The following NEGR1 variants were observed in gnomAD, a reference collection of about 807,000 sequenced individuals.
NEGR1 encodes the protein neuronal growth regulator 1, also known as IgLON family member 4.
Under a neutral mutation model 40.9 loss-of-function variants are expected in NEGR1, and 10 were observed. The ratio of observed to expected loss-of-function variants is 0.24; its 90% CI spans 0.15 to 0.42. The LOEUF (loss-of-function observed/expected upper bound fraction) is 0.42. Ranked by LOEUF, NEGR1 falls within the 10% of genes least tolerant of loss-of-function variation. The pLI is 1.00. For synonymous variants in NEGR1, 185 were observed against 166.8 expected, an observed-to-expected ratio of 1.11 and a Z score of -0.84; for missense variants, 352 against 438.9, an observed-to-expected ratio of 0.80 and a Z score of 1.77.
At chr1:71,539,040 TAG>T (rs1310728893) in intron 6 of NEGR1, among the ~76,000 whole-genome samples, 4 of 151,766 alleles carry the variant, frequency 2.6e-5, no homozygotes, top group African/African-American at 9.7e-5. Flanking sequence ...TGGTTGATAA[TAG>T]AGTTTCTGGA....
chr1:71,645,538 C>G (rs755268478), intron 4 of NEGR1, among the ~76,000 whole-genome samples: 2 of 151,812 alleles, frequency 1.3e-5, no homozygotes, highest in Non-Finnish European at 2.9e-5. Context: ...AAAAAATCTT[C>G]TCTCAATAAT....
rs554548908 is a variant in NEGR1, at chr1:71,910,494, T to G, written c.409+24585A>C. On this transcript the variant is annotated intron_variant, in intron 2 of 6. Transcript: ENST00000357731. ...TATTGTTCACTAAAGGTAATAATGC[T>G]GATGCTGCTAGAGTGTAAATTTAAG... Among the ~76,000 whole-genome samples, 20 of 152,336 alleles carry G rather than the reference T, an allele frequency of 1.3e-4. No individual in the cohort carries two copies. In the South Asian group the frequency reaches 3.7e-3, roughly 28 times the overall value.
intron 6 of NEGR1, among the ~76,000 whole-genome samples, chr1:71,452,577 A>G (rs1308864918): frequency 1.3e-5 from 2 of 152,182 alleles, no homozygotes; most frequent in East Asian, 1.9e-4. Context: ...CTCAAAGCCA[A>G]ATAAGGTTCC....
intron 6 of NEGR1, among the ~76,000 whole-genome samples, chr1:71,575,733 A>C (rs1012781239): frequency 1.5e-4 from 23 of 152,212 alleles, no homozygotes; most frequent in African/African-American, 5.3e-4. Flanking sequence ...CAGTGAGCCG[A>C]GATCTCGCCA....
chr1:72,171,519 C>G (rs556189187), intron 1 of NEGR1, among the ~76,000 whole-genome samples: 1 of 152,234 alleles, frequency 6.6e-6, no homozygotes, highest in South Asian at 2.1e-4. Flanking sequence ...ATTCTAAGGG[C>G]TTTTGAAGTT....
chr1:71,720,275 T>TGA (rs780099871), intron 3 of NEGR1, among the ~76,000 whole-genome samples: 5 of 152,176 alleles, frequency 3.3e-5, no homozygotes, highest in African/African-American at 7.2e-5. Flanking sequence ...ACAAATCGAT[T>TGA]GACTCTATCA....
chr1:71,785,199 A>C (rs1431404424), intron 2 of NEGR1, among the ~76,000 whole-genome samples: 3 of 152,212 alleles, frequency 2.0e-5, no homozygotes, highest in South Asian at 2.1e-4. Context: ...CAGCAGCAGC[A>C]GCCAGCAGGC....
intron 2 of NEGR1, among the ~76,000 whole-genome samples, chr1:71,780,429 C>T (rs1006339412): frequency 6.6e-6 from 1 of 152,148 alleles, no homozygotes; most frequent in Non-Finnish European, 1.5e-5. Flanking sequence ...AGATTTCATA[C>T]TAAATCACAG....
chr1:71,840,073 C>T (rs781023267), intron 2 of NEGR1, among the ~76,000 whole-genome samples: 12 of 152,064 alleles, frequency 7.9e-5, no homozygotes, highest in Non-Finnish European at 1.6e-4. Flanking sequence ...TGCATTATCT[C>T]CAGAGCGGAT....
chr1:71,464,370 G>A (rs977575507), intron 6 of NEGR1, among the ~76,000 whole-genome samples: 2 of 151,978 alleles, frequency 1.3e-5, no homozygotes, highest in Non-Finnish European at 2.9e-5. Context: ...AAAAGAGAAA[G>A]TAAAGTGAAC....
intron 1 of NEGR1, among the ~76,000 whole-genome samples, chr1:71,958,951 CA>C (rs10598895): frequency 0.16 from 19,512 of 119,266 alleles, 1,459 homozygotes; most frequent in East Asian, 0.46. Flanking sequence ...CATCTCATCT[CA>C]AAAAAAAAAA....
At chr1:71,958,503 A>G (rs758116488) in intron 1 of NEGR1, among the ~76,000 whole-genome samples, 4 of 152,194 alleles carry the variant, frequency 2.6e-5, no homozygotes, top group Non-Finnish European at 5.9e-5. Flanking sequence ...ACTACTCCCA[A>G]GACTGACTCT....
chr1:71,954,175 G>A (rs915456367), intron 1 of NEGR1, among the ~76,000 whole-genome samples: 2 of 151,884 alleles, frequency 1.3e-5, no homozygotes, highest in Admixed American at 6.6e-5. Context: ...CTCAGCAGGG[G>A]ACACCAAGAG....
chr1:71,989,714 C>T (rs1029153181), intron 1 of NEGR1, among the ~76,000 whole-genome samples: 2 of 152,098 alleles, frequency 1.3e-5, no homozygotes, highest in African/African-American at 4.8e-5. Context: ...TTAAATTGGT[C>T]AGTATATTTC....
chr1:71,825,525 T>G (rs1570398968), intron 2 of NEGR1, among the ~76,000 whole-genome samples: 1 of 151,914 alleles, frequency 6.6e-6, no homozygotes, highest in Non-Finnish European at 1.5e-5. Context: ...ATGTTTATTA[T>G]AGCATAAAAG....
At chr1:71,811,844 C>A (rs1488201122) in intron 2 of NEGR1, among the ~76,000 whole-genome samples, 1 of 144,338 alleles carries the variant, frequency 6.9e-6, no homozygotes, top group East Asian at 2.0e-4. Flanking sequence ...GACTCAATAT[C>A]CAAAGTTCTA....
intron 1 of NEGR1, among the ~76,000 whole-genome samples, chr1:72,062,113 C>G (rs1413916682): frequency 6.6e-6 from 1 of 151,862 alleles, no homozygotes; most frequent in Non-Finnish European, 1.5e-5. Context: ...TTGGCATGGG[C>G]TTTATGTTCC....
chr1:72,261,953 CTT>C (rs1655472638), intron 1 of NEGR1, among the ~76,000 whole-genome samples: 1 of 152,036 alleles, frequency 6.6e-6, no homozygotes, highest in African/African-American at 2.4e-5. Flanking sequence ...AATGCCTAGA[CTT>C]TGCCATTACA....
chr1:72,250,916 T>C (rs996522063), intron 1 of NEGR1, among the ~76,000 whole-genome samples: 3 of 152,210 alleles, frequency 2.0e-5, no homozygotes, highest in Non-Finnish European at 2.9e-5. Context: ...ATGGCATTAT[T>C]TTTCAAGATG....
Sources: allele counts gnomAD v4.1 joint callset (sites outside exome capture counted in the v4.1 genomes callset), GRCh38; gene constraint gnomAD v4.1.1; transcripts MANE v1.5; gene names NCBI Gene and HGNC (gene_info 2026-07-23, HGNC 2026-07-21).